CPSF3: variants seen among roughly 807,000 people sequenced by gnomAD.
The protein encoded by CPSF3 is cleavage and polyadenylation specific factor 3.
A neutral mutation model predicts 84.1 loss-of-function variants in CPSF3; 57 were observed. The ratio of observed to expected loss-of-function variants is 0.68; its 90% confidence interval spans 0.55 to 0.85. The LOEUF is 0.85. CPSF3 is among the 40% of genes least tolerant of loss of function. CPSF3 has a pLI of 0.00. For synonymous variants in CPSF3, 275 were observed against 278.1 expected, an observed-to-expected ratio of 0.99 and a Z score of 0.11; for missense variants, 522 against 838.8, an observed-to-expected ratio of 0.62 and a Z score of 4.66.
chr2:9,432,116 T>C (rs1680610450), intron 4 of CPSF3, among the ~76,000 whole-genome samples: 1 of 152,236 alleles, frequency 6.6e-6, no homozygotes, highest in Non-Finnish European at 1.5e-5. Context: ...AAAAATCTTT[T>C]CTCATCCTAA....
At chr2:9,461,354 A>C (rs1286893399) in intron 15 of CPSF3, among the ~76,000 whole-genome samples, 3 of 152,176 alleles carry the variant, frequency 2.0e-5, no homozygotes, top group Non-Finnish European at 4.4e-5. Context: ...ATTGACAGAA[A>C]AAATGCAATT....
intron 15 of CPSF3, 87 bp from the exon 16 acceptor site, chr2:9,467,620 C>A: frequency 1.1e-6 from 1 of 932,496 alleles, no homozygotes; most frequent in African/African-American, 1.7e-5. Flanking sequence ...TTTAACTTAT[C>A]AGTAACCAGA....
intron 6 of CPSF3, among the ~76,000 whole-genome samples, chr2:9,435,313 A>G (rs1680735245): frequency 6.6e-6 from 1 of 152,246 alleles, no homozygotes; most frequent in Non-Finnish European, 1.5e-5. Context: ...AGGTGGGAGA[A>G]ATAACCTTTT....
chr2:9,467,745 G>A lies in CPSF3; in HGVS notation c.1825G>A (p.Val609Ile), dbSNP rs1022054985. ...QKVSKKLEMH[V>I]YSKRLEIMLQ... ...GGTTTCTAAAAAATTAGAAATGCACGTTTACAGCAAGAGGTTGGAGATCAT... is the reference window on the plus strand; with the variant it reads ...GGTTTCTAAAAAATTAGAAATGCACATTTACAGCAAGAGGTTGGAGATCAT... The change falls in exon 16 of 18, where the codon GTT becomes ATT. Residue 609 changes from valine to isoleucine, a missense_variant. By Grantham distance (29) the Val-to-Ile change is conservative (BLOSUM62 3). Around this residue, in one of 2 missense-constraint regions of CPSF3, gnomAD observed 193 missense variants for 231.6 expected, o/e 0.83. Transcript: ENST00000238112. The A allele has an allele frequency of 5.1e-5, 82 of 1,607,832 alleles. No individual in the cohort carries two copies. The highest frequency in any genetic ancestry group is 6.4e-5 in the Non-Finnish European group (75 of 1,176,680).
At chr2:9,462,857 T>G (rs1317267294) in intron 15 of CPSF3, among the ~76,000 whole-genome samples, 1 of 152,246 alleles carries the variant, frequency 6.6e-6, no homozygotes, top group Non-Finnish European at 1.5e-5. Flanking sequence ...CTGGGCTGTT[T>G]CCGTGTGTTC....
chr2:9,426,025 A>G (rs1352878109), intron 1 of CPSF3, among the ~76,000 whole-genome samples: 2 of 152,224 alleles, frequency 1.3e-5, no homozygotes, highest in Non-Finnish European at 2.9e-5. Context: ...TGTCTCTGGC[A>G]TCTTTCATTT....
chr2:9,425,549 A>G (rs1195245175), intron 1 of CPSF3, among the ~76,000 whole-genome samples: 1 of 152,016 alleles, frequency 6.6e-6, no homozygotes, highest in African/African-American at 2.4e-5. Context: ...GATCTTCAGG[A>G]TTTTGTGGCT....
intron 17 of CPSF3, among the ~76,000 whole-genome samples, chr2:9,472,319 CAAAAAA>C (rs35266408): frequency 1.7e-5 from 2 of 115,848 alleles, no homozygotes; most frequent in South Asian, 2.9e-4. Flanking sequence ...GATTCTGTCT[CAAAAAA>C]AAAAAAAAAA....
chr2:9,466,358 ACACACG>A (rs1227628688), intron 15 of CPSF3, among the ~76,000 whole-genome samples: 25 of 142,386 alleles, frequency 1.8e-4, no homozygotes, highest in African/African-American at 2.5e-4. Context: ...GCGCGCACAC[ACACACG>A]CACACACCCA....
chr2:9,456,939 T>C lies in CPSF3; in HGVS notation c.1610T>C (p.Val537Ala), dbSNP rs1212468930. 1 of 1,573,558 alleles carries C rather than the reference T, an allele frequency of 6.4e-7. No individual in the cohort carries two copies. The highest frequency in any genetic ancestry group is 1.2e-5 in the South Asian group (1 of 86,912). The change falls in exon 14 of 18, where the codon GTG (valine) becomes GCG (alanine). Residue 537 changes from valine (V) to alanine (A), a missense_variant. Physicochemically the swap from Val to Ala is moderately conservative, Grantham distance 64. Coordinates refer to ENST00000238112, the MANE Select transcript of CPSF3 (RefSeq NM_016207.4). ...CYQLQKLTGD[V>A]EELEIQEKPA... ...AGTTATGTCTTTCTTTCAGGTGATG[T>C]GGAAGAATTAGAAATTCAAGAAAAA...
At chr2:9,463,629 G>A (rs981086033) in intron 15 of CPSF3, among the ~76,000 whole-genome samples, 5 of 152,190 alleles carry the variant, frequency 3.3e-5, no homozygotes, top group African/African-American at 9.7e-5. Flanking sequence ...TGCAAGAACT[G>A]GTACATGTGA....
At chr2:9,464,242 C>T (rs1681828637) in intron 15 of CPSF3, among the ~76,000 whole-genome samples, 2 of 152,256 alleles carry the variant, frequency 1.3e-5, no homozygotes, top group African/African-American at 4.8e-5. Flanking sequence ...TGTTTTGACA[C>T]ACAGACCTAC....
At chr2:9,433,836 C>A in intron 5 of CPSF3, 35 bp from the exon 6 acceptor site, 2 of 1,456,202 alleles carry the variant, frequency 1.4e-6, no homozygotes, top group Non-Finnish European at 9.6e-7. Context: ...AAGCCTTCCC[C>A]AAATCCTAAC....
At chr2:9,446,474 G>A (rs886467154) in intron 10 of CPSF3, among the ~76,000 whole-genome samples, 5 of 151,900 alleles carry the variant, frequency 3.3e-5, no homozygotes, top group East Asian at 1.9e-4. Context: ...CCAGCTACTC[G>A]GGAGGCCGAG....
At chr2:9,443,696 G>GC in intron 10 of CPSF3, 35 bp downstream of exon 10, 1 of 1,601,680 alleles carries the variant, frequency 6.2e-7, no homozygotes, top group Non-Finnish European at 8.5e-7. Flanking sequence ...GTATTAAAGG[G>GC]AAAAAAAGTG....
At chr2:9,424,191 C>CAGGATGA (rs1205741987) in intron 1 of CPSF3, 1 of 1,030,268 alleles carries the variant, frequency 9.7e-7, no homozygotes, top group Non-Finnish European at 1.2e-6. Context: ...AAGCTTATGA[C>CAGGATGA]CGACAGGATG....
In CPSF3 at chr2:9,457,046, C is replaced by A; in HGVS notation, c.1698+19C>A. 7.1e-7 allele frequency: 1 copy of A among 1,415,138 alleles called. No homozygotes were observed. The highest frequency in any genetic ancestry group is 9.8e-7 in the Non-Finnish European group (1 of 1,023,576). 87.7% of individuals were successfully genotyped at this position (1,415,138 alleles called of 1,614,324 possible). ...ATTAGAAGTAAGAAAAGATCATTTA[C>A]CTAAACAATGAGGGGAAAAAAGTTT... On this transcript the variant is annotated intron_variant, in intron 14 of 17. Coordinates refer to ENST00000238112, the MANE Select transcript of CPSF3 (RefSeq NM_016207.4).
chr2:9,432,434 C>T (rs1680623680), intron 4 of CPSF3, 77 bp from the exon 5 acceptor site: 5 of 970,442 alleles, frequency 5.2e-6, no homozygotes, highest in Admixed American at 3.2e-5. Flanking sequence ...AGATGTTATC[C>T]ACAATTTCTT....
At chr2:9,462,141 G>T (rs1306518425) in intron 15 of CPSF3, among the ~76,000 whole-genome samples, 1 of 152,170 alleles carries the variant, frequency 6.6e-6, no homozygotes, top group African/African-American at 2.4e-5. Context: ...GTTAGGTGCG[G>T]AGAGCAGAAT....
Sources: gnomAD v4.1 joint callset for allele counts (sites outside exome capture counted in the v4.1 genomes callset) on GRCh38, gnomAD v4.1.1 for gene constraint, gnomAD v4.1.1 regional missense constraint, MANE v1.5 for transcripts, NCBI Gene and HGNC (gene_info 2026-07-23, HGNC 2026-07-21) for gene names.